The following ERCC5 variants were observed in gnomAD, a reference collection of about 807,000 sequenced individuals.
The protein encoded by ERCC5 is ERCC excision repair 5, endonuclease.
In ERCC5, 68 loss-of-function variants were observed where a neutral mutation model predicts 105.6. The observed-to-expected ratio is 0.64, with a 90% CI of 0.53 to 0.79. The LOEUF (loss-of-function observed/expected upper bound fraction) is 0.79, where lower values mean the gene tolerates loss of function less well. Among genes scored for constraint, ERCC5 ranks in the 30% least tolerant of loss-of-function variants. The pLI is 0.00. For synonymous variants in ERCC5, 546 were observed against 526.2 expected, an observed-to-expected ratio of 1.04 and a Z score of -0.51; for missense variants, 1,373 against 1,426.7, an observed-to-expected ratio of 0.96 and a Z score of 0.61.
At chr13:102,868,368 C>T in intron 12 of ERCC5, 111 bp downstream of exon 12, 1 of 1,424,080 alleles carries the variant, frequency 7.0e-7, no homozygotes, top group South Asian at 1.2e-5. Flanking sequence ...AACAATGGTT[C>T]ACTGAGAAAG....
At position 102,858,387 on chromosome 13, in the gene ERCC5, G is replaced by T. The variant is rs146833751; in HGVS notation, c.641G>T (p.Arg214Leu). ...ILTDMKEFTK[R>L]RRTLFEAMPE... ...ACTGATATGAAAGAGTTCACCAAGC[G>T]CAGAAGAACATTATTTGAAGCAATG... is the stretch of plus-strand genomic sequence containing the variant. Residue 214 changes from arginine to leucine, a missense_variant, in exon 6 of 15, where the codon CGC (arginine) becomes CTC (leucine). Transcript: ENST00000652225. 14 of 1,613,972 alleles carry T rather than the reference G, an allele frequency of 8.7e-6. No individual in the cohort carries two copies. Among genetic ancestry groups the T allele is most frequent in the South Asian group, 1.1e-5 (1 of 91,084 alleles).
rs767893148 is a variant in ERCC5, at chr13:102,865,863, T to C, written c.2151T>C (p.Ala717=). ...ACGTGGATGGTGAGCCACAGGAAGC[T>C]GAGAAAGATGCGGAAGATTCGCTCC... is the stretch of plus-strand genomic sequence containing the variant. ...RDDVDGEPQE[A]EKDAEDSLHE... Residue 717 remains alanine, a synonymous_variant, in exon 9 of 15, where the codon GCT becomes GCC. Transcript: ENST00000652225. This position sits in a 1 kb window ranked among gnomAD's most constrained non-coding sequence, Gnocchi z 4.0. 6 of 1,614,214 alleles carry C rather than the reference T, an allele frequency of 3.7e-6. No homozygotes were observed. Among genetic ancestry groups the C allele is most frequent in the Non-Finnish European group, 5.1e-6 (6 of 1,180,036 alleles).
At chr13:102,847,792 T>G (rs969650074) in intron 1 of ERCC5, among the ~76,000 whole-genome samples, 1 of 152,212 alleles carries the variant, frequency 6.6e-6, no homozygotes, top group Non-Finnish European at 1.5e-5. Flanking sequence ...AAGGTTAGTT[T>G]TCAGTGACAA....
intron 6 of ERCC5, chr13:102,858,836 A>G: frequency 2.2e-6 from 1 of 453,420 alleles, no homozygotes; most frequent in Non-Finnish European, 4.4e-6. Flanking sequence ...CCTATAATAT[A>G]CATTGTCTAT....
At chr13:102,849,710 C>CG (rs1323499678) in intron 1 of ERCC5, among the ~76,000 whole-genome samples, 1 of 152,030 alleles carries the variant, frequency 6.6e-6, no homozygotes, top group Admixed American at 6.5e-5. Context: ...ACAAATTGCC[C>CG]GGGCAAGCCA....
chr13:102,868,879 G>A (rs1882938306), intron 12 of ERCC5, among the ~76,000 whole-genome samples: 1 of 152,202 alleles, frequency 6.6e-6, no homozygotes, highest in African/African-American at 2.4e-5. Flanking sequence ...TAGGAGTTAT[G>A]AGTATGTCTG....
At position 102,846,061 on chromosome 13, in the gene ERCC5, C is replaced by G. The variant is rs537543496; in HGVS notation, c.-206C>G. ...CGGGAGGCGGTGACAGCTGCTGAGA[C>G]GTGTTGCAGCCAGAGTCTCTCCGCT... On this transcript the variant is annotated 5_prime_UTR_variant, in exon 1 of 15. Transcript: ENST00000652225. The G allele has an allele frequency of 1.7e-6, 1 of 586,334 alleles. No individual in the cohort carries two copies. The highest frequency in any genetic ancestry group is 1.9e-5 in the African/African-American group (1 of 53,616). 36.3% of individuals were successfully genotyped at this position (586,334 alleles called of 1,614,324 possible). A position where few individuals can be genotyped will look rare whatever the true frequency, so the allele number is the denominator to read the frequency against.
chr13:102,851,992 C>A, intron 1 of ERCC5, 126 bp from the exon 2 acceptor site: 1 of 1,161,768 alleles, frequency 8.6e-7, no homozygotes, highest in Non-Finnish European at 1.2e-6. Context: ...AAATGTTTTT[C>A]AATTTTAAAT....
intron 1 of ERCC5, among the ~76,000 whole-genome samples, chr13:102,851,821 T>A (rs1882216711): frequency 7.4e-6 from 1 of 134,820 alleles, no homozygotes; most frequent in South Asian, 2.3e-4. Flanking sequence ...ATGAAAATTC[T>A]TTAGCAATCA....
At chr13:102,852,487 A>G (rs1030931292) in intron 2 of ERCC5, among the ~76,000 whole-genome samples, 194 bp downstream of exon 2, 31 of 152,230 alleles carry the variant, frequency 2.0e-4, no homozygotes, top group Non-Finnish European at 3.7e-4. Context: ...AGAGTTCATC[A>G]TGGGTACAAT....
intron 2 of ERCC5, among the ~76,000 whole-genome samples, chr13:102,853,434 G>GAATA (rs1308834580): frequency 6.6e-6 from 1 of 152,166 alleles, no homozygotes; most frequent in African/African-American, 2.4e-5. Flanking sequence ...ACATTTTATA[G>GAATA]AATAAATAAA....
chr13:102,875,447 A>G lies in ERCC5; in HGVS notation c.3105A>G (p.Glu1035=). The change falls in exon 15 of 15, where the codon GAA becomes GAG. Residue 1035 remains glutamate, a synonymous_variant. Coordinates refer to ENST00000652225, the MANE Select transcript of ERCC5 (RefSeq NM_000123.4). ...KEKEAAASEI[E]AVSVAMEKEF... The stretch of plus-strand genomic sequence containing the variant: ...AAGAAGCAGCAGCCAGCGAAATAGA[A>G]GCAGTTTCTGTTGCCATGGAGAAAG... 1 of 1,614,228 alleles carries G rather than the reference A, an allele frequency of 6.2e-7. No individual in the cohort carries two copies. The highest frequency in any genetic ancestry group is 8.5e-7 in the Non-Finnish European group (1 of 1,180,030).
rs117767330 is a variant in ERCC5 at position 102,865,032 on chromosome 13, T to C, written c.1955-635T>C. On this transcript the variant is annotated intron_variant, in intron 8 of 14. Coordinates refer to ENST00000652225, the MANE Select transcript of ERCC5 (RefSeq NM_000123.4). This position sits in a 1 kb window ranked among gnomAD's most constrained non-coding sequence, Gnocchi z 4.0. ...CCATCTCCCCCTCCCACTGGCCTCC[T>C]CCTTGGCCCTGCTCTCTTCTTTGCT... 8.7e-4 allele frequency: 135 copies of C among 154,902 alleles called. No homozygotes were observed. In the East Asian group the frequency reaches 0.024, roughly 27 times the overall value. The allele number at this position is 154,902 out of a possible 1,614,324, so 9.6% of individuals were successfully genotyped here.
intron 11 of ERCC5, 85 bp downstream of exon 11, chr13:102,866,930 T>G: frequency 2.1e-6 from 3 of 1,436,008 alleles, no homozygotes; most frequent in Non-Finnish European, 2.8e-6. Flanking sequence ...AGGAACTAGT[T>G]TGATGCATTG....
intron 4 of ERCC5, 66 bp from the exon 5 acceptor site, chr13:102,855,986 A>G (rs1882401622): frequency 2.0e-6 from 3 of 1,505,114 alleles, no homozygotes; most frequent in Non-Finnish European, 2.8e-6. Flanking sequence ...AGAGCCTTGC[A>G]TACAAGTATT....
At chr13:102,853,949 T>G in intron 3 of ERCC5, 77 bp downstream of exon 3, 3 of 1,377,524 alleles carry the variant, frequency 2.2e-6, no homozygotes, top group Non-Finnish European at 3.1e-6. Flanking sequence ...TGCGATTCTC[T>G]TTCCCTATCT....
chr13:102,851,514 C>T (rs4150259), intron 1 of ERCC5, among the ~76,000 whole-genome samples: 3,597 of 152,182 alleles, frequency 0.024, 114 homozygotes, highest in African/African-American at 0.077. Flanking sequence ...AGGATGGTCT[C>T]GATCTCTTGA....
chr13:102,858,419 G>A lies in ERCC5; in HGVS notation c.672+1G>A. On this transcript the variant is annotated splice_donor_variant, in intron 6 of 14. Transcript: ENST00000652225. LOFTEE classifies it high-confidence loss of function. ...AACATTATTTGAAGCAATGCCAGAGGTGAAATATGCAACAGTACATTCATG... is the reference window on the plus strand; with the variant it reads ...AACATTATTTGAAGCAATGCCAGAGATGAAATATGCAACAGTACATTCATG... The A allele has an allele frequency of 6.2e-7, 1 of 1,614,062 alleles. No individual in the cohort carries two copies. Among genetic ancestry groups the A allele is most frequent in the Non-Finnish European group, 8.5e-7 (1 of 1,179,976 alleles).
intron 12 of ERCC5, among the ~76,000 whole-genome samples, 188 bp from the exon 13 acceptor site, chr13:102,872,010 G>T (rs1016723818): frequency 4.6e-5 from 7 of 152,166 alleles, no homozygotes; most frequent in Non-Finnish European, 8.8e-5. Flanking sequence ...CACAGAGGAA[G>T]ACTTCCATAA....
Sources: gnomAD v4.1 joint callset for allele counts (sites outside exome capture counted in the v4.1 genomes callset) on GRCh38, gnomAD v4.1.1 for gene constraint, Gnocchi (gnomAD v3.1) non-coding constraint, MANE v1.5 for transcripts, NCBI Gene and HGNC (gene_info 2026-07-23, HGNC 2026-07-21) for gene names.